Variants in SNRPF observed in about 807,000 individuals in gnomAD.
SNRPF encodes the protein small nuclear ribonucleoprotein polypeptide F.
Under a neutral mutation model 13.4 loss-of-function variants are expected in SNRPF, and 1 was observed. The observed-to-expected ratio is 0.07, with a 90% CI of 0.03 to 0.35. The LOEUF (loss-of-function observed/expected upper bound fraction) is 0.35. Among genes scored for constraint, SNRPF ranks in the 10% least tolerant of loss-of-function variants. SNRPF has a pLI of 0.99. For synonymous variants in SNRPF, 27 were observed against 32.1 expected, an observed-to-expected ratio of 0.84 and a Z score of 0.54; for missense variants, 53 against 101.0, an observed-to-expected ratio of 0.52 and a Z score of 2.04.
rs200504470 is a variant in SNRPF, at chr12:95,859,070, T to C, written c.-4T>C. ...GTAGCCTGCAACATTCGGCCGTGGT[T>C]ACGATGGTAAGGAGAAAGAGAACGG... is the stretch of plus-strand genomic sequence containing the variant. On this transcript the variant is annotated 5_prime_UTR_variant, in exon 1 of 4. Coordinates refer to ENST00000266735, the MANE Select transcript of SNRPF (RefSeq NM_003095.5). The C allele has an allele frequency of 6.2e-7, 1 of 1,613,204 alleles. No individual in the cohort carries two copies. The highest frequency in any genetic ancestry group is 2.2e-5 in the East Asian group (1 of 44,836).
chr12:95,862,795 C>T (rs2121393075), intron 2 of SNRPF, among the ~76,000 whole-genome samples: 2 of 152,196 alleles, frequency 1.3e-5, no homozygotes, highest in South Asian at 4.1e-4. Context: ...GTTCCAGTTT[C>T]TCCACATCCT....
rs747332367 is a variant in SNRPF, at chr12:95,865,987, G to A, written c.195-18G>A. 8.5e-6 allele frequency: 11 copies of A among 1,293,238 alleles called. No homozygotes were observed. In the East Asian group the frequency reaches 1.5e-4, roughly 17 times the overall value. The allele number at this position is 1,293,238 out of a possible 1,614,324, so 80.1% of individuals were successfully genotyped here. ...GGTTTCTGGTTGGAACAACAAAATCGACTTTTTCTATTTACAGGTGTAATA... is the reference window on the plus strand; with the variant it reads ...GGTTTCTGGTTGGAACAACAAAATCAACTTTTTCTATTTACAGGTGTAATA... On this transcript the variant is annotated intron_variant, in intron 3 of 3. Coordinates refer to ENST00000266735, the MANE Select transcript of SNRPF (RefSeq NM_003095.5).
intron 1 of SNRPF, among the ~76,000 whole-genome samples, chr12:95,859,387 G>A (rs2079482923): frequency 6.6e-6 from 1 of 152,200 alleles, no homozygotes; most frequent in Admixed American, 6.5e-5. Context: ...CCACACTCCA[G>A]AATTCACTTT....
intron 2 of SNRPF, among the ~76,000 whole-genome samples, chr12:95,864,200 G>A (rs191800368): frequency 4.3e-4 from 65 of 152,226 alleles, no homozygotes; most frequent in Non-Finnish European, 3.1e-4. Flanking sequence ...TCATTACCAT[G>A]TTTTTCATGC....
At chr12:95,863,435 A>G (rs539805550) in intron 2 of SNRPF, among the ~76,000 whole-genome samples, 17 of 152,376 alleles carry the variant, frequency 1.1e-4, no homozygotes, top group Middle Eastern at 3.4e-3. Context: ...TTGTTTTAGA[A>G]TTAATATAGC....
chr12:95,862,555 A>T (rs771454237), intron 2 of SNRPF, among the ~76,000 whole-genome samples: 35 of 152,204 alleles, frequency 2.3e-4, no homozygotes, highest in Non-Finnish European at 3.4e-4. Context: ...TCTACAAAAA[A>T]AATACAAAAA....
At chr12:95,859,704 A>G (rs903248890) in intron 1 of SNRPF, among the ~76,000 whole-genome samples, 4 of 152,210 alleles carry the variant, frequency 2.6e-5, no homozygotes, top group Non-Finnish European at 4.4e-5. Context: ...AAGCTTGGTC[A>G]TTTGGAGAAA....
At chr12:95,863,673 A>ATAAT (rs2079507575) in intron 2 of SNRPF, among the ~76,000 whole-genome samples, 1 of 152,254 alleles carries the variant, frequency 6.6e-6, no homozygotes, top group East Asian at 1.9e-4. Context: ...TAGGCATGAT[A>ATAAT]GATGCCATCC....
intron 2 of SNRPF, chr12:95,861,914 G>GT (rs2079498278): frequency 6.6e-6 from 1 of 152,104 alleles, no homozygotes; most frequent in Non-Finnish European, 1.5e-5. Flanking sequence ...AGCCATCACC[G>GT]TTGTCCATTT....
chr12:95,866,135 A>T lies in SNRPF; in HGVS notation c.*64A>T. 1 of 831,296 alleles carries T rather than the reference A, an allele frequency of 1.2e-6. No individual in the cohort carries two copies. Among genetic ancestry groups the T allele is most frequent in the Non-Finnish European group, 1.9e-6 (1 of 517,108 alleles). 51.5% of individuals were successfully genotyped at this position (831,296 alleles called of 1,614,324 possible). A position where few individuals can be genotyped will look rare whatever the true frequency, so the allele number is the denominator to read the frequency against. On this transcript the variant is annotated 3_prime_UTR_variant, in exon 4 of 4. Transcript: ENST00000266735. ...ACAATAAAGATTTGTTTGTTTTTCA[A>T]CTTGACTTGTGAACTATTTGTATTC...
At chr12:95,861,652 A>G in intron 2 of SNRPF, 1 of 215,902 alleles carries the variant, frequency 4.6e-6, no homozygotes, top group Non-Finnish European at 9.2e-6. Context: ...CTTTTAATGA[A>G]TGCTAAAGGC....
intron 3 of SNRPF, among the ~76,000 whole-genome samples, chr12:95,865,698 TGGGTCTGGC>T (rs905979545): frequency 2.9e-4 from 44 of 152,246 alleles, no homozygotes; most frequent in African/African-American, 1.1e-3. Context: ...GAATTTTAGT[TGGGTCTGGC>T]TGTTTTGTTA....
Position 95,859,011 on chromosome 12 carries a change from C to G in SNRPF, c.-63C>G, listed in dbSNP as rs898781562. 6.2e-7 allele frequency: 1 copy of G among 1,605,594 alleles called. No individual in the cohort carries two copies. Among genetic ancestry groups the G allele is most frequent in the African/African-American group, 1.3e-5 (1 of 74,888 alleles). On this transcript the variant is annotated 5_prime_UTR_variant, in exon 1 of 4. Transcript: ENST00000266735. ...CGGGACCTGCGGTACCTGCTGTAGT[C>G]ACGAGGGACGGGCGGCGGCCTGGTC... is the stretch of plus-strand genomic sequence containing the variant.
chr12:95,863,600 A>G lies in SNRPF; in HGVS notation c.130-1724A>G, dbSNP rs2079506088. ...CACTGTGAATATAGCATTGAACAAA[A>G]CAAAGTCCCTGCCCTCAACAGTTTA... On this transcript the variant is annotated intron_variant, in intron 2 of 3. Coordinates refer to ENST00000266735, the MANE Select transcript of SNRPF (RefSeq NM_003095.5). Among the ~76,000 whole-genome samples, 3 of 152,228 alleles carry G rather than the reference A, an allele frequency of 2.0e-5. No homozygotes were observed. In the South Asian group the frequency reaches 6.2e-4, roughly 32 times the overall value.
Position 95,866,029 on chromosome 12 carries a change from A to G in SNRPF, c.219A>G (p.Arg73=). 6.4e-7 allele frequency: 1 copy of G among 1,552,606 alleles called. No individual in the cohort carries two copies. Among genetic ancestry groups the G allele is most frequent in the Non-Finnish European group, 8.8e-7 (1 of 1,135,424 alleles). Residue 73 remains arginine, a synonymous_variant, in exon 4 of 4, where the codon AGA becomes AGG. Coordinates refer to ENST00000266735, the MANE Select transcript of SNRPF (RefSeq NM_003095.5). ...LIRCNNVLYI[R]GVEEEEEDGE... ...GGTGTAATAATGTCCTTTATATCAG[A>G]GGTGTGGAAGAAGAGGAAGAAGATG...
At chr12:95,865,850 G>A (rs1165234416) in intron 3 of SNRPF, among the ~76,000 whole-genome samples, 155 bp from the exon 4 acceptor site, 2 of 151,800 alleles carry the variant, frequency 1.3e-5, no homozygotes, top group Non-Finnish European at 2.9e-5. Context: ...AAATCTATGT[G>A]AAACTTTTTT....
chr12:95,863,906 A>G (rs966789522), intron 2 of SNRPF, among the ~76,000 whole-genome samples: 14 of 152,180 alleles, frequency 9.2e-5, no homozygotes, highest in Admixed American at 7.2e-4. Flanking sequence ...TTAAGGGACG[A>G]ATGACAGAAA....
intron 3 of SNRPF, 134 bp from the exon 4 acceptor site, chr12:95,865,871 T>TA (rs2079518919): frequency 2.6e-6 from 1 of 386,980 alleles, no homozygotes; most frequent in African/African-American, 2.1e-5. Context: ...TTAAAATGAA[T>TA]ATATTTAAAA....
At chr12:95,863,029 T>A (rs531695688) in intron 2 of SNRPF, among the ~76,000 whole-genome samples, 5,473 of 152,168 alleles carry the variant, frequency 0.036, 215 homozygotes, top group East Asian at 0.099. Flanking sequence ...ATGGTAGTAG[T>A]TTCCAGGCAG....
Sources: allele counts gnomAD v4.1 joint callset (sites outside exome capture counted in the v4.1 genomes callset), GRCh38; gene constraint gnomAD v4.1.1; transcripts MANE v1.5; gene names NCBI Gene and HGNC (gene_info 2026-07-23, HGNC 2026-07-21).